NEK5: variants seen among roughly 807,000 people sequenced by gnomAD.
The protein encoded by NEK5 is NIMA related kinase 5, also known as serine/threonine-protein kinase Nek5.
In NEK5, 88 loss-of-function variants were observed where a neutral mutation model predicts 109.2. The ratio of observed to expected loss-of-function variants is 0.81; its 90% CI spans 0.68 to 0.96. NEK5 has a LOEUF of 0.96. NEK5 is among the 40% of genes least tolerant of loss of function. The pLI is 0.00. For missense variants in NEK5, 834 were observed against 920.7 expected, an observed-to-expected ratio of 0.91 and a Z score of 1.22; for synonymous variants, 283 against 299.9, an observed-to-expected ratio of 0.94 and a Z score of 0.58.
chr13:52,116,181 A>AG (rs1256145235), intron 4 of NEK5, among the ~76,000 whole-genome samples: 2 of 150,968 alleles, frequency 1.3e-5, no homozygotes, highest in Non-Finnish European at 3.0e-5. Context: ...ACTGTCTCAA[A>AG]AAAAAAAAAA....
intron 20 of NEK5, among the ~76,000 whole-genome samples, chr13:52,066,130 G>A (rs1232540177): frequency 6.6e-6 from 1 of 151,978 alleles, no homozygotes; most frequent in Admixed American, 6.5e-5. Flanking sequence ...CATACTACAT[G>A]TCCTCTCAGA....
intron 20 of NEK5, among the ~76,000 whole-genome samples, chr13:52,069,860 G>T: frequency 6.6e-6 from 1 of 152,146 alleles, no homozygotes; most frequent in East Asian, 1.9e-4. Flanking sequence ...AGCCCTGGAG[G>T]AGTGCGGACC....
At chr13:52,103,218 C>A (rs1955577830) in intron 9 of NEK5, among the ~76,000 whole-genome samples, 1 of 152,212 alleles carries the variant, frequency 6.6e-6, no homozygotes, top group African/African-American at 2.4e-5. Flanking sequence ...CACCCAAGGT[C>A]AGGAGTTCAA....
chr13:52,079,928 G>A (rs1173786825), intron 17 of NEK5, among the ~76,000 whole-genome samples: 3 of 151,878 alleles, frequency 2.0e-5, no homozygotes, highest in African/African-American at 7.3e-5. Context: ...TCTGGGATGT[G>A]AGGAGCGCCT....
intron 19 of NEK5, among the ~76,000 whole-genome samples, chr13:52,073,237 TA>T (rs1954811264): frequency 6.6e-6 from 1 of 151,836 alleles, no homozygotes. Context: ...ATAATTTATC[TA>T]AAGAAATAAC....
chr13:52,128,295 C>A (rs1956108115), intron 1 of NEK5, among the ~76,000 whole-genome samples: 1 of 151,974 alleles, frequency 6.6e-6, no homozygotes, highest in South Asian at 2.1e-4. Flanking sequence ...GAAAACCACG[C>A]GCTTCACTGG....
At chr13:52,052,675 A>T (rs905760789) in intron 22 of NEK5, among the ~76,000 whole-genome samples, 2 of 149,156 alleles carry the variant, frequency 1.3e-5, no homozygotes, top group Non-Finnish European at 3.0e-5. Context: ...AATTCTTTGT[A>T]AAAAAAAAAG....
intron 20 of NEK5, among the ~76,000 whole-genome samples, chr13:52,070,006 C>T (rs536466111): frequency 1.3e-5 from 2 of 152,318 alleles, no homozygotes; most frequent in East Asian, 3.9e-4. Context: ...CATCTTTGAG[C>T]TCCCTACCAG....
intron 23 of NEK5, among the ~76,000 whole-genome samples, chr13:52,038,145 C>A (rs1954380157): frequency 6.6e-6 from 1 of 151,910 alleles, no homozygotes; most frequent in South Asian, 2.1e-4. Flanking sequence ...GCCAACATGG[C>A]AAAACCCCTT....
chr13:52,128,692 G>T (rs9535876), intron 1 of NEK5, among the ~76,000 whole-genome samples: 4 of 152,056 alleles, frequency 2.6e-5, no homozygotes, highest in Non-Finnish European at 5.9e-5. Context: ...GGGGTGACTC[G>T]CCGGGAACTG....
intron 3 of NEK5, among the ~76,000 whole-genome samples, chr13:52,127,029 A>C (rs1956076458): frequency 6.6e-6 from 1 of 152,002 alleles, no homozygotes; most frequent in South Asian, 2.1e-4. Context: ...ATGTGATCTT[A>C]TTTCTTTTCT....
Position 52,102,312 on chromosome 13 carries a change from T to C in NEK5, c.610-20A>G, listed in dbSNP as rs1593981554. 6.3e-7 allele frequency: 1 copy of C among 1,579,686 alleles called. No homozygotes were observed. Among genetic ancestry groups the C allele is most frequent in the Non-Finnish European group, 8.7e-7 (1 of 1,148,978 alleles). On this transcript the variant is annotated intron_variant, in intron 9 of 23. Coordinates refer to ENST00000684899, the MANE Select transcript of NEK5 (RefSeq NM_001365552.1). ...CTCAAACTGAAAGGACAAGGAGAAA[T>C]GACACTAAATCAGAGAAAAGTTACT...
At chr13:52,101,261 G>A (rs1043109982) in intron 11 of NEK5, among the ~76,000 whole-genome samples, 1 of 152,142 alleles carries the variant, frequency 6.6e-6, no homozygotes, top group African/African-American at 2.4e-5. Context: ...TTAGCCGGGA[G>A]TGGTGATGGG....
In NEK5 at chr13:52,102,278, G is replaced by A. The variant is rs1326489432; in HGVS notation, c.624C>T (p.Asn208=). 12 of 1,613,850 alleles carry A rather than the reference G, an allele frequency of 7.4e-6. No homozygotes were observed. The East Asian group carries it at 2.7e-4, about 36-fold the overall frequency. Residue 208 remains asparagine, a synonymous_variant, in exon 10 of 24, where the codon AAC becomes AAT. Transcript: ENST00000684899. ...AAATCTTCAGAACCAGCTGCTGTAA[G>A]TTGTTACCCTCAAACTGAAAGGACA... ...CTLKHPFEGN[N]LQQLVLKICQ...
intron 21 of NEK5, among the ~76,000 whole-genome samples, chr13:52,063,964 C>T (rs1443994185): frequency 1.3e-5 from 2 of 148,444 alleles, no homozygotes; most frequent in Non-Finnish European, 3.0e-5. Flanking sequence ...GTCAGCCCCC[C>T]GCCCAGCCAG....
rs1172266927 is a variant in NEK5, at chr13:52,034,504, C to CTTTTTTTT, written c.*2436_*2443dup. The CTTTTTTTT allele has an allele frequency of 3.7e-5, 4 of 108,942 alleles. No individual in the cohort carries two copies. The highest frequency in any genetic ancestry group is 5.6e-5 in the Non-Finnish European group (3 of 53,678). 6.7% of individuals were successfully genotyped at this position (108,942 alleles called of 1,614,324 possible). On this transcript the variant is annotated 3_prime_UTR_variant, in exon 24 of 24. Coordinates refer to ENST00000684899, the MANE Select transcript of NEK5 (RefSeq NM_001365552.1). ...GGAACAAACCCGATAACCTGACATG[C>CTTTTTTTT]TTTTTTTTTTTTTTTTTTTTTTTGA...
At chr13:52,101,394 C>T (rs1255040509) in intron 11 of NEK5, among the ~76,000 whole-genome samples, 4 of 151,434 alleles carry the variant, frequency 2.6e-5, no homozygotes, top group Admixed American at 6.6e-5. Context: ...AGCGAGACTC[C>T]GTCTCGGAAA....
rs745973039 is a variant in NEK5, at chr13:52,102,031, G to C, written c.811-17C>G. On this transcript the variant is annotated splice_polypyrimidine_tract_variant and intron_variant, in intron 10 of 23. Coordinates refer to ENST00000684899, the MANE Select transcript of NEK5 (RefSeq NM_001365552.1). ...CTGAATGACCTAAAACCGAACACAC[G>C]TGTCAAGGACCTGCAACCCAAAATC... 1 of 1,612,912 alleles carries C rather than the reference G, an allele frequency of 6.2e-7. No individual in the cohort carries two copies. The highest frequency in any genetic ancestry group is 8.5e-7 in the Non-Finnish European group (1 of 1,178,976).
In NEK5 at chr13:52,115,015, C is replaced by CT. The variant is rs765435593; in HGVS notation, c.215-2651dup. 2.7e-3 allele frequency among the ~76,000 whole-genome samples: 386 copies of CT among 141,720 alleles called. 1 individual carries two copies. Among genetic ancestry groups the CT allele is most frequent in the South Asian group, 6.8e-3 (30 of 4,402 alleles). 93.0% of individuals were successfully genotyped at this position (141,720 alleles called of 152,430 possible). A position where few individuals can be genotyped will look rare whatever the true frequency, so the allele number is the denominator to read the frequency against. On this transcript the variant is annotated intron_variant, in intron 4 of 23. Coordinates refer to ENST00000684899, the MANE Select transcript of NEK5 (RefSeq NM_001365552.1). ...TAAAAATTCATCATGACAGAGATACCTTTTTTTTTTTTTTTGAGACGGAAT... is the reference window on the plus strand; with the variant it reads ...TAAAAATTCATCATGACAGAGATACCTTTTTTTTTTTTTTTTGAGACGGAAT...
Sources: allele counts gnomAD v4.1 joint callset (sites outside exome capture counted in the v4.1 genomes callset), GRCh38; gene constraint gnomAD v4.1.1; transcripts MANE v1.5; gene names NCBI Gene and HGNC (gene_info 2026-07-23, HGNC 2026-07-21).